The following IL27 variants were observed in gnomAD, a reference collection of about 807,000 sequenced individuals.
The protein encoded by IL27 is interleukin 27, also known as interleukin-27 subunit alpha.
IL27 carries 11 observed loss-of-function variants against 27.0 expected under a neutral mutation model. The ratio of observed to expected loss-of-function variants is 0.41; its 90% CI spans 0.26 to 0.67. The LOEUF (loss-of-function observed/expected upper bound fraction) is 0.67. IL27 is among the 30% of genes least tolerant of loss of function. The pLI is 0.34. For missense variants in IL27, 299 were observed against 310.4 expected, an observed-to-expected ratio of 0.96 and a Z score of 0.28; for synonymous variants, 134 against 140.6, an observed-to-expected ratio of 0.95 and a Z score of 0.33.
At chr16:28,505,265 C>T (rs1231287979) in intron 1 of IL27, among the ~76,000 whole-genome samples, 1 of 152,132 alleles carries the variant, frequency 6.6e-6, no homozygotes, top group Non-Finnish European at 1.5e-5. Context: ...GTCAAAAGGA[C>T]AGGTTTGTCC....
In IL27 at chr16:28,503,904, C is replaced by G. The variant is rs755024445; in HGVS notation, c.178G>C (p.Glu60Gln). 3 of 1,614,172 alleles carry G rather than the reference C, an allele frequency of 1.9e-6. No homozygotes were observed. The highest frequency in any genetic ancestry group is 2.5e-6 in the Non-Finnish European group (3 of 1,180,020). Reference sequence around the variant, plus strand: ...AAGCGGTGGGCCTGGCCCCGAACCTCGGAGAGCAGCTTCCTGGCGAGATGC... The same window carrying G: ...AAGCGGTGGGCCTGGCCCCGAACCTGGGAGAGCAGCTTCCTGGCGAGATGC... Reference protein sequence around the residue: ...SLHLARKLLSEVRGQAHRFAE... With the variant: ...SLHLARKLLSQVRGQAHRFAE... Residue 60 changes from glutamate (E) to glutamine (Q), a missense_variant, in exon 2 of 5, where the codon GAG becomes CAG. By Grantham distance (29) the Glu-to-Gln change is conservative. Coordinates refer to ENST00000356897, the MANE Select transcript of IL27 (RefSeq NM_145659.3).
chr16:28,502,438 C>T (rs1037556957), intron 3 of IL27, among the ~76,000 whole-genome samples: 2 of 152,020 alleles, frequency 1.3e-5, no homozygotes, highest in African/African-American at 4.8e-5. Context: ...CCTCCTCCAC[C>T]ATCCCATCAT....
intron 1 of IL27, among the ~76,000 whole-genome samples, chr16:28,505,400 G>A (rs1260811299): frequency 6.6e-6 from 1 of 151,920 alleles, no homozygotes; most frequent in East Asian, 1.9e-4. Flanking sequence ...GCAGTGGCGC[G>A]ATCTCGACTC....
intron 3 of IL27, among the ~76,000 whole-genome samples, chr16:28,502,384 T>G (rs1169927149): frequency 6.6e-6 from 1 of 150,928 alleles, no homozygotes; most frequent in African/African-American, 2.4e-5. Context: ...ACCCACCCCC[T>G]CTCAGTCCCT....
intron 4 of IL27, 145 bp from the exon 5 acceptor site, chr16:28,500,065 A>G: frequency 2.6e-6 from 3 of 1,144,722 alleles, no homozygotes; most frequent in Non-Finnish European, 3.6e-6. Context: ...TTGATCTTCC[A>G]TGATGTCACC....
rs565701539 is a variant in IL27, at chr16:28,503,049, T to C, written c.303+646A>G. The stretch of plus-strand genomic sequence containing the variant: ...GTTGGTCAGGCTGGTCTCGAACTCC[T>C]GACCTCAGGTGATCCACCCACATCA... On this transcript the variant is annotated intron_variant, in intron 3 of 4. Coordinates refer to ENST00000356897, the MANE Select transcript of IL27 (RefSeq NM_145659.3). Among the ~76,000 whole-genome samples, 304 of 152,280 alleles carry C rather than the reference T, an allele frequency of 2.0e-3. 1 individual carries two copies. Among genetic ancestry groups the C allele is most frequent in the African/African-American group, 7.1e-3 (293 of 41,558 alleles).
chr16:28,502,555 C>T (rs1271147827), intron 3 of IL27, among the ~76,000 whole-genome samples: 4 of 151,966 alleles, frequency 2.6e-5, no homozygotes, highest in Non-Finnish European at 5.9e-5. Context: ...ATCTTTCCAT[C>T]CCATCTCCAA....
intron 1 of IL27, among the ~76,000 whole-genome samples, chr16:28,504,830 G>A (rs553656710): frequency 1.1e-4 from 16 of 152,192 alleles, no homozygotes; most frequent in South Asian, 2.1e-4. Flanking sequence ...AGATCTTCCC[G>A]CCTCAGCCTC....
chr16:28,503,878 A>G lies in IL27; in HGVS notation c.204T>C (p.Phe68=). Residue 68 remains phenylalanine (F), a splice_region_variant and synonymous_variant, in exon 2 of 5, where the codon TTT becomes TTC. Coordinates refer to ENST00000356897, the MANE Select transcript of IL27 (RefSeq NM_145659.3). ...CGCCAGCTGCATTAGGGGGACTTAC[A>G]AAGCGGTGGGCCTGGCCCCGAACCT... ...LSEVRGQAHR[F]AESHLPGVNL... 1 of 1,614,136 alleles carries G rather than the reference A, an allele frequency of 6.2e-7. No individual in the cohort carries two copies. The highest frequency in any genetic ancestry group is 8.5e-7 in the Non-Finnish European group (1 of 1,180,004).
chr16:28,501,935 T>C (rs1179883762), intron 4 of IL27, 41 bp downstream of exon 4: 3 of 1,579,708 alleles, frequency 1.9e-6, no homozygotes, highest in African/African-American at 1.3e-5. Flanking sequence ...GAGTCTTCTT[T>C]CCCACGTGGT....
In IL27 at chr16:28,506,780, C is replaced by T; in HGVS notation, c.31+1G>A. ...CCCCCCACCCCTGGCTTCAAACTCA[C>T]GCCAGCCAAGGTCGCCTGCCGTCTG... On this transcript the variant is annotated splice_donor_variant, in intron 1 of 4. Coordinates refer to ENST00000356897, the MANE Select transcript of IL27 (RefSeq NM_145659.3). LOFTEE classifies it high-confidence loss of function. The T allele has an allele frequency of 6.2e-7, 1 of 1,611,762 alleles. No homozygotes were observed. Among genetic ancestry groups the T allele is most frequent in the Non-Finnish European group, 8.5e-7 (1 of 1,178,932 alleles).
In IL27 at chr16:28,503,678, C is replaced by T. The variant is rs2046445980; in HGVS notation, c.303+17G>A. 1 of 1,585,838 alleles carries T rather than the reference C, an allele frequency of 6.3e-7. No individual in the cohort carries two copies. ...CTATCACAAGCTTCCCGCCCCACTC[C>T]ACCAGCCCTCACTCACAGAGAGGCG... On this transcript the variant is annotated intron_variant, in intron 3 of 4. Transcript: ENST00000356897.
chr16:28,506,292 C>G (rs898368379), intron 1 of IL27, among the ~76,000 whole-genome samples: 3 of 152,150 alleles, frequency 2.0e-5, no homozygotes, highest in African/African-American at 7.2e-5. Flanking sequence ...GGTTCTAGCC[C>G]CTGAGTTCTG....
Position 28,503,583 on chromosome 16 carries a change from C to T in IL27, c.303+112G>A, listed in dbSNP as rs1283047787. ...CTCTATGTCCAATGACATATTCAGCCTTATCCAGGTTCTATCCCCAATGCA... is the reference window on the plus strand; with the variant it reads ...CTCTATGTCCAATGACATATTCAGCTTTATCCAGGTTCTATCCCCAATGCA... On this transcript the variant is annotated intron_variant, in intron 3 of 4. Transcript: ENST00000356897. The T allele has an allele frequency of 5.3e-6, 4 of 748,712 alleles. No individual in the cohort carries two copies. The Admixed American group carries it at 1.1e-4, about 21-fold the overall frequency. The allele number at this position is 748,712 out of a possible 1,614,324, so 46.4% of individuals were successfully genotyped here. A position where few individuals can be genotyped will look rare whatever the true frequency, so the allele number is the denominator to read the frequency against.
At chr16:28,502,229 C>A in intron 3 of IL27, 95 bp from the exon 4 acceptor site, 1 of 1,188,338 alleles carries the variant, frequency 8.4e-7, no homozygotes, top group Non-Finnish European at 1.2e-6. Context: ...TCCCATTCCA[C>A]GCTCCAGCCT....
In IL27 at chr16:28,503,988, G is replaced by T; in HGVS notation, c.94C>A (p.Pro32Thr). ...AGGCTCAGCTGGGGCCTCCCTGGGG[G>T]CCTTGGGAATCCCCAGACACCAGCT... ...VQAGVWGFPR[P>T]PGRPQLSLQE... is the part of the protein sequence containing the mutation. The change falls in exon 2 of 5, where the codon CCC becomes ACC. Residue 32 changes from proline to threonine, a missense_variant. Coordinates refer to ENST00000356897, the MANE Select transcript of IL27 (RefSeq NM_145659.3). 6.2e-7 allele frequency: 1 copy of T among 1,613,918 alleles called. No homozygotes were observed. Among genetic ancestry groups the T allele is most frequent in the South Asian group, 1.1e-5 (1 of 91,048 alleles).
chr16:28,504,153 T>G, intron 1 of IL27, 103 bp from the exon 2 acceptor site: 1 of 1,209,964 alleles, frequency 8.3e-7, no homozygotes, highest in South Asian at 1.6e-5. Context: ...GTGCAGGCAC[T>G]TTGACCAGCA....
At chr16:28,501,804 CACTT>C (rs5816474) in intron 4 of IL27, among the ~76,000 whole-genome samples, 168 bp downstream of exon 4, 8,427 of 151,916 alleles carry the variant, frequency 0.055, 247 homozygotes, top group East Asian at 0.11. Flanking sequence ...CACTCTCCCA[CACTT>C]ACGGACCCAC....
chr16:28,500,021 C>T (rs2046421928), intron 4 of IL27, 101 bp from the exon 5 acceptor site: 2 of 1,400,406 alleles, frequency 1.4e-6, no homozygotes, highest in Admixed American at 2.7e-5. Context: ...ACATCAGTGA[C>T]CACAAGGTCA....
Sources: gnomAD v4.1 joint callset for allele counts (sites outside exome capture counted in the v4.1 genomes callset) on GRCh38, gnomAD v4.1.1 for gene constraint, MANE v1.5 for transcripts, NCBI Gene and HGNC (gene_info 2026-07-23, HGNC 2026-07-21) for gene names.